Variants in GLS observed in about 807,000 individuals in gnomAD.
The protein encoded by GLS is glutaminase kidney isoform, mitochondrial.
A neutral mutation model predicts 86.7 loss-of-function variants in GLS; 36 were observed. The ratio of observed to expected loss-of-function variants is 0.42; its 90% confidence interval spans 0.32 to 0.55. The LOEUF is 0.55. GLS is among the 20% of genes least tolerant of loss of function. The probability of loss-of-function intolerance (pLI) is 0.17; values close to 1 mark genes in which losing one functional copy is unlikely to be tolerated. For synonymous variants in GLS, 317 were observed against 305.9 expected, an observed-to-expected ratio of 1.04 and a Z score of -0.38; for missense variants, 528 against 833.4, an observed-to-expected ratio of 0.63 and a Z score of 4.51.
rs148317217 is a variant in GLS at position 190,938,759 on chromosome 2, A to C, written c.1650+7122A>C. The stretch of plus-strand genomic sequence containing the variant: ...ATAATTGGCAGTAGTTAATGTGACT[A>C]TAAGTTATTTGGCAGATGGTACCAT... On this transcript the variant is annotated intron_variant, in intron 14 of 17. Coordinates refer to ENST00000320717, the MANE Select transcript of GLS (RefSeq NM_014905.5). This position sits in a 1 kb window ranked among gnomAD's most constrained non-coding sequence, Gnocchi z 4.1. Among the ~76,000 whole-genome samples the C allele has an allele frequency of 7.2e-5, 11 of 151,854 alleles. No individual in the cohort carries two copies. The South Asian group carries it at 2.3e-3, about 31-fold the overall frequency.
chr2:190,918,592 T>C (rs1387651605), intron 7 of GLS, among the ~76,000 whole-genome samples: 5 of 152,158 alleles, frequency 3.3e-5, no homozygotes, highest in African/African-American at 4.8e-5. Flanking sequence ...TCATTGAAGT[T>C]CCATTTTTAA....
intron 7 of GLS, among the ~76,000 whole-genome samples, chr2:190,919,294 C>T (rs1023871000): frequency 2.0e-5 from 3 of 151,982 alleles, no homozygotes; most frequent in East Asian, 1.9e-4. Context: ...TTAAAAACAA[C>T]GTTAAGAGCA....
At chr2:190,885,368 T>A (rs1688341235) in intron 1 of GLS, among the ~76,000 whole-genome samples, 1 of 152,074 alleles carries the variant, frequency 6.6e-6, no homozygotes, top group Non-Finnish European at 1.5e-5. Context: ...ATTTTTGTTT[T>A]TAGTAGAGAT....
chr2:190,887,439 G>A (rs950605048), intron 1 of GLS, among the ~76,000 whole-genome samples: 1 of 151,972 alleles, frequency 6.6e-6, no homozygotes, highest in Non-Finnish European at 1.5e-5. Flanking sequence ...TATAGTAAAA[G>A]CATTACTTTC....
In GLS at chr2:190,920,239, C is replaced by G. The variant is rs1427373336; in HGVS notation, c.1039-785C>G. The G allele has an allele frequency of 1.3e-5, 2 of 151,930 alleles. No individual in the cohort carries two copies. The highest frequency in any genetic ancestry group is 4.8e-5 in the African/African-American group (2 of 41,416). 9.4% of individuals were successfully genotyped at this position (151,930 alleles called of 1,614,324 possible). A position where few individuals can be genotyped will look rare whatever the true frequency, so the allele number is the denominator to read the frequency against. On this transcript the variant is annotated intron_variant, in intron 7 of 17. Coordinates refer to ENST00000320717, the MANE Select transcript of GLS (RefSeq NM_014905.5). The surrounding 1 kb of genome is among the most constrained non-coding windows in gnomAD (Gnocchi z 4.2). ...GATCTACAACTTACTGCTTTGTAAACTTCGCCGAGGTAAAATGAAACCATT... is the reference window on the plus strand; with the variant it reads ...GATCTACAACTTACTGCTTTGTAAAGTTCGCCGAGGTAAAATGAAACCATT...
chr2:190,901,914 T>C (rs1292754037), intron 4 of GLS, 33 bp from the exon 5 acceptor site: 1 of 1,232,488 alleles, frequency 8.1e-7, no homozygotes, highest in Non-Finnish European at 1.2e-6. Context: ...GTCAATATTA[T>C]ATCTATTCAT....
rs755553421 is a variant in GLS at position 190,900,725 on chromosome 2, C to T, written c.735+32C>T. 1.2e-5 allele frequency: 19 copies of T among 1,557,662 alleles called. No individual in the cohort carries two copies. In the Admixed American group the frequency reaches 2.6e-4, roughly 21 times the overall value. ...CTTTTGATGTACATATTTTCATAAC[C>T]GAATCACTTAATAAATTCAGCTTAA... On this transcript the variant is annotated intron_variant, in intron 4 of 17. Coordinates refer to ENST00000320717, the MANE Select transcript of GLS (RefSeq NM_014905.5).
intron 1 of GLS, among the ~76,000 whole-genome samples, chr2:190,892,310 G>A (rs1688593609): frequency 6.6e-6 from 1 of 152,162 alleles, no homozygotes; most frequent in Non-Finnish European, 1.5e-5. Flanking sequence ...GTAAAAAGGT[G>A]AGAAATAAGG....
chr2:190,883,891 G>A (rs949827202), intron 1 of GLS, among the ~76,000 whole-genome samples: 5 of 152,140 alleles, frequency 3.3e-5, no homozygotes, highest in African/African-American at 1.2e-4. Flanking sequence ...GGAAGGAGGC[G>A]TGATATAAGC....
At chr2:190,926,939 T>A (rs1442341552) in intron 11 of GLS, 1 of 161,580 alleles carries the variant, frequency 6.2e-6, no homozygotes, top group Non-Finnish European at 1.4e-5. Context: ...AAATATTTCA[T>A]GGCTCTTTTT....
At chr2:190,882,870 A>G (rs1238555375) in intron 1 of GLS, among the ~76,000 whole-genome samples, 1 of 152,238 alleles carries the variant, frequency 6.6e-6, no homozygotes, top group African/African-American at 2.4e-5. Context: ...CTCATGTTTT[A>G]GGGACTAGAA....
chr2:190,913,429 T>C lies in GLS; in HGVS notation c.1038+3108T>C. The C allele has an allele frequency of 1.1e-6, 1 of 932,542 alleles. No individual in the cohort carries two copies. Among genetic ancestry groups the C allele is most frequent in the Non-Finnish European group, 1.4e-6 (1 of 738,030 alleles). 57.8% of individuals were successfully genotyped at this position (932,542 alleles called of 1,614,324 possible). On this transcript the variant is annotated intron_variant, in intron 7 of 17. Coordinates refer to ENST00000320717, the MANE Select transcript of GLS (RefSeq NM_014905.5). The surrounding 1 kb of genome is among the most constrained non-coding windows in gnomAD (Gnocchi z 6.1). ...AAATGCACATAATTTTTAAAAATCA[T>C]AAGGGTATTATACTTCCTCTCTTTT...
At chr2:190,933,008 AT>A (rs2124920566) in intron 14 of GLS, 1 of 1,174,522 alleles carries the variant, frequency 8.5e-7, no homozygotes, top group South Asian at 3.9e-5. Context: ...TTTCCTTTTA[AT>A]CTTTGTATAA....
intron 1 of GLS, among the ~76,000 whole-genome samples, chr2:190,883,811 A>G (rs1451500938): frequency 6.6e-6 from 1 of 152,226 alleles, no homozygotes; most frequent in African/African-American, 2.4e-5. Flanking sequence ...TCATCAGTTC[A>G]CATGGCTGGG....
chr2:190,889,739 G>A (rs1574560683), intron 1 of GLS, among the ~76,000 whole-genome samples: 1 of 152,034 alleles, frequency 6.6e-6, no homozygotes, highest in African/African-American at 2.4e-5. Flanking sequence ...TTGTGCAAAC[G>A]TATGGACAAA....
chr2:190,954,942 G>A lies in GLS; in HGVS notation c.1853+124G>A, dbSNP rs1005664141. 4.9e-5 allele frequency: 32 copies of A among 655,144 alleles called. No individual in the cohort carries two copies. In the African/African-American group the frequency reaches 5.8e-4, roughly 12 times the overall value. The allele number at this position is 655,144 out of a possible 1,614,324, so 40.6% of individuals were successfully genotyped here. A position where few individuals can be genotyped will look rare whatever the true frequency, so the allele number is the denominator to read the frequency against. On this transcript the variant is annotated intron_variant, in intron 17 of 17. Transcript: ENST00000320717. This position sits in a 1 kb window ranked among gnomAD's most constrained non-coding sequence, Gnocchi z 4.0. ...GAACCTGCTATGATATCTTATAAAG[G>A]CAATAAACCTTGTTTCTACTAGATA...
At chr2:190,927,783 T>TATAA (rs956348917) in intron 12 of GLS, 1 of 184,724 alleles carries the variant, frequency 5.4e-6, no homozygotes, top group African/African-American at 2.4e-5. Flanking sequence ...ATTATGATTA[T>TATAA]GTATCTTAAG....
rs1485840455 is a variant in GLS, at chr2:190,895,967, A to T, written c.605+242A>T. ...GCCACCGATGTTTCCAGTTTACAGT[A>T]CTTGGAGATTGCATTCAGTTTGAGT... On this transcript the variant is annotated intron_variant, in intron 3 of 17. Coordinates refer to ENST00000320717, the MANE Select transcript of GLS (RefSeq NM_014905.5). This position sits in a 1 kb window ranked among gnomAD's most constrained non-coding sequence, Gnocchi z 4.2. 7.6e-6 allele frequency: 2 copies of T among 263,252 alleles called. No individual in the cohort carries two copies. The highest frequency in any genetic ancestry group is 1.5e-5 in the Non-Finnish European group (2 of 136,468). The allele number at this position is 263,252 out of a possible 1,614,324, so 16.3% of individuals were successfully genotyped here.
At position 190,881,061 on chromosome 2, in the gene GLS, G is replaced by T; in HGVS notation, c.-24G>T. The T allele has an allele frequency of 6.5e-7, 1 of 1,540,280 alleles. No homozygotes were observed. The highest frequency in any genetic ancestry group is 8.7e-7 in the Non-Finnish European group (1 of 1,149,212). ...CGCCCGGAGCATCCTCCCCTGTTGA[G>T]CGGGCGCTGACGGACCCGGCGGCAT... On this transcript the variant is annotated 5_prime_UTR_variant, in exon 1 of 18. Coordinates refer to ENST00000320717, the MANE Select transcript of GLS (RefSeq NM_014905.5).
Sources: allele counts gnomAD v4.1 joint callset (sites outside exome capture counted in the v4.1 genomes callset), GRCh38; gene constraint gnomAD v4.1.1; non-coding constraint Gnocchi (gnomAD v3.1); transcripts MANE v1.5; gene names NCBI Gene and HGNC (gene_info 2026-07-23, HGNC 2026-07-21).